CAMK2D: variants seen among roughly 807,000 people sequenced by gnomAD.
CAMK2D encodes the protein calcium/calmodulin dependent protein kinase II delta, also known as calcium/calmodulin-dependent protein kinase type II subunit delta.
Under a neutral mutation model 84.0 loss-of-function variants are expected in CAMK2D, and 37 were observed. The ratio of observed to expected loss-of-function variants is 0.44; its 90% confidence interval spans 0.34 to 0.58. The LOEUF is 0.58. CAMK2D is among the 20% of genes least tolerant of loss of function. The pLI, the probability that CAMK2D is intolerant of heterozygous loss-of-function variation, is 0.02. For missense variants in CAMK2D, 448 were observed against 652.5 expected, an observed-to-expected ratio of 0.69 and a Z score of 3.41; for synonymous variants, 202 against 212.5, an observed-to-expected ratio of 0.95 and a Z score of 0.43.
chr4:113,588,494 A>C (rs931650420), intron 4 of CAMK2D, among the ~76,000 whole-genome samples: 2 of 152,182 alleles, frequency 1.3e-5, no homozygotes, highest in African/African-American at 4.8e-5. Context: ...TCAAAAGCAG[A>C]TACTTGGCTA....
At chr4:113,580,553 T>C (rs2098803261) in intron 4 of CAMK2D, among the ~76,000 whole-genome samples, 1 of 152,208 alleles carries the variant, frequency 6.6e-6, no homozygotes, top group African/African-American at 2.4e-5. Flanking sequence ...CTTCCTTAGC[T>C]GTAAAACATA....
At chr4:113,538,324 G>C (rs896553218) in intron 6 of CAMK2D, among the ~76,000 whole-genome samples, 1 of 152,006 alleles carries the variant, frequency 6.6e-6, no homozygotes, top group African/African-American at 2.4e-5. Flanking sequence ...TAAGCACCAG[G>C]GAACAGTCTT....
chr4:113,552,971 G>C (rs146351887), intron 4 of CAMK2D, among the ~76,000 whole-genome samples: 4 of 152,004 alleles, frequency 2.6e-5, no homozygotes, highest in African/African-American at 9.7e-5. Flanking sequence ...TGAATTTCTT[G>C]GTTATTAGCG....
chr4:113,519,530 A>C (rs1304937038), intron 8 of CAMK2D, among the ~76,000 whole-genome samples: 2 of 152,114 alleles, frequency 1.3e-5, no homozygotes, highest in African/African-American at 4.8e-5. Flanking sequence ...TAAAAAAAAA[A>C]CATATTATAG....
chr4:113,552,111 A>C lies in CAMK2D; in HGVS notation c.276-15T>G. ...CTCCAGTAACTCTGGGAAGATAAAAAACATAATCACTTTTAAAAAGAAGCA... is the reference window on the plus strand; with the variant it reads ...CTCCAGTAACTCTGGGAAGATAAAACACATAATCACTTTTAAAAAGAAGCA... On this transcript the variant is annotated splice_polypyrimidine_tract_variant and intron_variant, in intron 4 of 20. Coordinates refer to ENST00000511664, the MANE Select transcript of CAMK2D (RefSeq NM_001321571.2). The C allele has an allele frequency of 6.7e-7, 1 of 1,492,488 alleles. No individual in the cohort carries two copies. The highest frequency in any genetic ancestry group is 9.3e-7 in the Non-Finnish European group (1 of 1,076,508). 92.5% of individuals were successfully genotyped at this position (1,492,488 alleles called of 1,614,324 possible).
At chr4:113,571,227 G>A (rs897861766) in intron 4 of CAMK2D, among the ~76,000 whole-genome samples, 1 of 152,152 alleles carries the variant, frequency 6.6e-6, no homozygotes, top group African/African-American at 2.4e-5. Flanking sequence ...GGAAAATAGT[G>A]TGACAGTGCC....
At chr4:113,561,500 A>T (rs1473301866) in intron 4 of CAMK2D, among the ~76,000 whole-genome samples, 1 of 152,046 alleles carries the variant, frequency 6.6e-6, no homozygotes, top group Non-Finnish European at 1.5e-5. Context: ...AGGCTTACAA[A>T]AGCTACCTTT....
intron 2 of CAMK2D, among the ~76,000 whole-genome samples, chr4:113,700,297 T>C (rs1284724020): frequency 6.6e-6 from 1 of 152,204 alleles, no homozygotes; most frequent in African/African-American, 2.4e-5. Flanking sequence ...ATTCTACCAA[T>C]TCATAATAAA....
intron 4 of CAMK2D, among the ~76,000 whole-genome samples, chr4:113,556,614 G>T (rs1183060702): frequency 6.6e-6 from 1 of 152,102 alleles, no homozygotes; most frequent in African/African-American, 2.4e-5. Context: ...ACCAGGCCCT[G>T]TTCTAGGTGC....
At chr4:113,719,698 C>A (rs970703912) in intron 2 of CAMK2D, among the ~76,000 whole-genome samples, 1 of 152,130 alleles carries the variant, frequency 6.6e-6, no homozygotes, top group Admixed American at 6.6e-5. Flanking sequence ...AAGGAAGAAA[C>A]CTCTAAGATC....
intron 16 of CAMK2D, among the ~76,000 whole-genome samples, chr4:113,482,765 C>T (rs2097716911): frequency 6.6e-6 from 1 of 152,198 alleles, no homozygotes; most frequent in African/African-American, 2.4e-5. Context: ...CGAAATCAAA[C>T]ATCCAAAGGT....
At chr4:113,504,828 A>C in intron 14 of CAMK2D, 148 bp downstream of exon 14, 1 of 385,404 alleles carries the variant, frequency 2.6e-6, no homozygotes, top group East Asian at 3.7e-5. Flanking sequence ...ATATCATAGA[A>C]AGCAAAAAAA....
chr4:113,542,049 C>T (rs79300755), intron 6 of CAMK2D, among the ~76,000 whole-genome samples: 2 of 152,152 alleles, frequency 1.3e-5, no homozygotes, highest in Non-Finnish European at 1.5e-5. Context: ...CATATATGAG[C>T]AAGTTCATAA....
intron 2 of CAMK2D, among the ~76,000 whole-genome samples, chr4:113,756,537 C>T (rs1050347633): frequency 8.6e-5 from 13 of 151,924 alleles, no homozygotes; most frequent in Non-Finnish European, 1.6e-4. Flanking sequence ...TGCCTTTGAA[C>T]GTATTCATTA....
chr4:113,710,460 C>A (rs967894419), intron 2 of CAMK2D, among the ~76,000 whole-genome samples: 1 of 152,152 alleles, frequency 6.6e-6, no homozygotes, highest in East Asian at 1.9e-4. Flanking sequence ...AACTACCTTG[C>A]TCTTTGGCAC....
intron 4 of CAMK2D, among the ~76,000 whole-genome samples, chr4:113,599,632 T>C (rs1018357037): frequency 6.6e-6 from 1 of 152,198 alleles, no homozygotes; most frequent in East Asian, 1.9e-4. Flanking sequence ...AACTTTTGAT[T>C]CCCCACAAAT....
intron 3 of CAMK2D, among the ~76,000 whole-genome samples, chr4:113,634,010 T>C (rs28568786): frequency 0.023 from 3,535 of 152,332 alleles, 149 homozygotes; most frequent in African/African-American, 0.079. Flanking sequence ...TGTCTTTACT[T>C]GCTTTTAAAA....
chr4:113,579,833 A>C (rs1409140943), intron 4 of CAMK2D, among the ~76,000 whole-genome samples: 1 of 152,258 alleles, frequency 6.6e-6, no homozygotes, highest in Non-Finnish European at 1.5e-5. Flanking sequence ...CTTTATTAAA[A>C]ACCAGAAAAA....
At position 113,511,132 on chromosome 4, in the gene CAMK2D, G is replaced by T. The variant is rs562649421; in HGVS notation, c.947-1457C>A. ...ACAAGAAATACATTCCACATAAAGG[G>T]AGAAAAGAAAAAATAAAAACAACAA... On this transcript the variant is annotated intron_variant, in intron 12 of 20. Coordinates refer to ENST00000511664, the MANE Select transcript of CAMK2D (RefSeq NM_001321571.2). Among the ~76,000 whole-genome samples, 158 of 152,024 alleles carry T rather than the reference G, an allele frequency of 1.0e-3. 1 individual carries two copies. Among genetic ancestry groups the T allele is most frequent in the Middle Eastern group, 0.01 (3 of 292 alleles).
Sources: allele counts gnomAD v4.1 joint callset (sites outside exome capture counted in the v4.1 genomes callset), GRCh38; gene constraint gnomAD v4.1.1; transcripts MANE v1.5; gene names NCBI Gene and HGNC (gene_info 2026-07-23, HGNC 2026-07-21).